Variants in PVT1 observed in about 807,000 individuals in gnomAD.
The protein encoded by PVT1 is Pvt1 oncogene.
intron 3 of PVT1, among the ~76,000 whole-genome samples, chr8:127,901,515 A>C (rs762313590): frequency 2.0e-5 from 3 of 152,242 alleles, no homozygotes; most frequent in Non-Finnish European, 4.4e-5. Context: ...TTCTGGAAGG[A>C]AGTTGAATGT....
intron 4 of PVT1, among the ~76,000 whole-genome samples, chr8:128,016,709 T>C (rs1202370814): frequency 1.3e-5 from 2 of 152,218 alleles, no homozygotes; most frequent in East Asian, 3.8e-4. Context: ...GTCATGCCTG[T>C]ACTGCTCTTT....
At position 127,897,825 on chromosome 8, in the gene PVT1, A is replaced by AAAAG. The variant is rs757197012; in HGVS notation, n.782+6847_782+6850dup. 4.3e-3 allele frequency among the ~76,000 whole-genome samples: 635 copies of AAAAG among 149,030 alleles called. 8 individuals carry two copies. Among genetic ancestry groups the AAAAG allele is most frequent in the South Asian group, 0.015 (68 of 4,638 alleles). On this transcript the variant is annotated intron_variant and non_coding_transcript_variant, in intron 3 of 10. Coordinates refer to ENST00000651587, the Ensembl canonical transcript of PVT1. ...GTGAAGAGAGAAAAGAAAAGAAAAGAAAAGAAAGAAAGAAAGAAAGAAAAG... is the reference window on the plus strand; with the variant it reads ...GTGAAGAGAGAAAAGAAAAGAAAAGAAAAGAAAGAAAGAAAGAAAGAAAGAAAAG...
intron 2 of PVT1, among the ~76,000 whole-genome samples, chr8:127,849,609 GCGTGCA>G (rs1815080417): frequency 6.6e-6 from 1 of 152,094 alleles, no homozygotes; most frequent in African/African-American, 2.4e-5. Context: ...GAGAAAGACT[GCGTGCA>G]TGTGCATGGG....
intron 3 of PVT1, among the ~76,000 whole-genome samples, chr8:127,946,215 T>C (rs994667570): frequency 2.0e-5 from 3 of 152,218 alleles, no homozygotes; most frequent in Non-Finnish European, 1.5e-5. Flanking sequence ...GTTATTATCA[T>C]GCACAAGCCA....
rs546454757 is a variant in PVT1, at chr8:127,889,255, A to C, written n.373-1334A>C. Among the ~76,000 whole-genome samples, 9 of 151,562 alleles carry C rather than the reference A, an allele frequency of 5.9e-5. No homozygotes were observed. The South Asian group carries it at 1.3e-3, about 21-fold the overall frequency. ...AGCGATTCTCATTCCTCGGCCTCCCAAATAGCTGGAATTACAGGCATGCAC... is the reference window on the plus strand; with the variant it reads ...AGCGATTCTCATTCCTCGGCCTCCCCAATAGCTGGAATTACAGGCATGCAC... On this transcript the variant is annotated intron_variant and non_coding_transcript_variant, in intron 2 of 10. Transcript: ENST00000651587.
intron 4 of PVT1, among the ~76,000 whole-genome samples, chr8:128,034,905 T>C (rs1813443026): frequency 6.6e-6 from 1 of 152,234 alleles, no homozygotes; most frequent in Non-Finnish European, 1.5e-5. Flanking sequence ...TTTCCCCATC[T>C]GTAAAATAAA....
chr8:127,879,813 G>A (rs983879450), intron 2 of PVT1, among the ~76,000 whole-genome samples: 2 of 152,194 alleles, frequency 1.3e-5, no homozygotes, highest in African/African-American at 2.4e-5. Context: ...CGGACAATGC[G>A]CCAGCACCCA....
At chr8:127,831,043 C>CAT (rs1563616479) in intron 2 of PVT1, among the ~76,000 whole-genome samples, 15 of 101,184 alleles carry the variant, frequency 1.5e-4, no homozygotes, top group African/African-American at 4.8e-4. Flanking sequence ...TATATACATA[C>CAT]GTGTGTGTGT....
intron 3 of PVT1, among the ~76,000 whole-genome samples, chr8:127,905,166 A>G (rs1314309243): frequency 6.6e-6 from 1 of 152,188 alleles, no homozygotes; most frequent in Non-Finnish European, 1.5e-5. Flanking sequence ...TAAGAATCCA[A>G]CTGGACCAGC....
chr8:128,008,722 T>C (rs77699019), intron 4 of PVT1, among the ~76,000 whole-genome samples: 2,479 of 152,320 alleles, frequency 0.016, 63 homozygotes, highest in African/African-American at 0.056. Context: ...CAAGTGTTTT[T>C]ATCAATCCCT....
intron 4 of PVT1, among the ~76,000 whole-genome samples, chr8:128,004,047 G>A (rs1357046916): frequency 1.3e-5 from 2 of 152,104 alleles, no homozygotes; most frequent in African/African-American, 2.4e-5. Flanking sequence ...TTCTTATAAG[G>A]ACACATATCC....
At chr8:127,992,413 AT>A (rs1265555257) in intron 4 of PVT1, among the ~76,000 whole-genome samples, 1 of 152,038 alleles carries the variant, frequency 6.6e-6, no homozygotes, top group Admixed American at 6.5e-5. Context: ...TTTTTCTTTT[AT>A]TTTTTTAAAG....
At chr8:128,002,076 T>C (rs555766051) in intron 4 of PVT1, among the ~76,000 whole-genome samples, 1 of 152,320 alleles carries the variant, frequency 6.6e-6, no homozygotes, top group South Asian at 2.1e-4. Flanking sequence ...AATCTTTCTG[T>C]CCCTCTGATG....
rs148157372 is a variant in PVT1 at position 128,070,601 on chromosome 8, TA to T, written n.1114+242del. Reference sequence around the variant, plus strand: ...TTCTGCTGCAGACATCACTTTGTCATAACAGCATTTTGAGCAGGAAGAAGCA... The same window carrying T: ...TTCTGCTGCAGACATCACTTTGTCATACAGCATTTTGAGCAGGAAGAAGCA... On this transcript the variant is annotated intron_variant and non_coding_transcript_variant, in intron 5 of 10. Transcript: ENST00000651587. Among the ~76,000 whole-genome samples, 1,143 of 152,280 alleles carry T rather than the reference TA, an allele frequency of 7.5e-3. 19 individuals are homozygous for T. Among genetic ancestry groups the T allele is most frequent in the African/African-American group, 0.026 (1,088 of 41,562 alleles).
At chr8:128,060,710 T>C (rs1813819758) in intron 4 of PVT1, among the ~76,000 whole-genome samples, 1 of 152,248 alleles carries the variant, frequency 6.6e-6, no homozygotes. Flanking sequence ...CTGGTCTGTC[T>C]TCTCTGCCCA....
At chr8:127,853,840 A>G (rs1283391929) in intron 2 of PVT1, among the ~76,000 whole-genome samples, 1 of 152,066 alleles carries the variant, frequency 6.6e-6, no homozygotes, top group African/African-American at 2.4e-5. Context: ...AAGAGAGAAG[A>G]AAGGCGGGGC....
chr8:127,934,624 C>A (rs887439869), intron 3 of PVT1, among the ~76,000 whole-genome samples: 3 of 152,210 alleles, frequency 2.0e-5, no homozygotes, highest in South Asian at 4.1e-4. Flanking sequence ...AGATTCCAAA[C>A]TGACTCCTTC....
intron 4 of PVT1, among the ~76,000 whole-genome samples, chr8:128,021,249 C>G (rs1394069542): frequency 6.8e-6 from 1 of 147,262 alleles, no homozygotes; most frequent in African/African-American, 2.5e-5. Context: ...CTACTGGGGA[C>G]AGGGGCATTG....
chr8:128,024,774 G>A (rs1817474668), intron 4 of PVT1, among the ~76,000 whole-genome samples: 1 of 152,238 alleles, frequency 6.6e-6, no homozygotes, highest in African/African-American at 2.4e-5. Flanking sequence ...TGTCTTCAGG[G>A]AAGCAAGTCA....
Sources: allele counts gnomAD v4.1 joint callset (sites outside exome capture counted in the v4.1 genomes callset), GRCh38; gene constraint gnomAD v4.1.1; transcripts MANE v1.5; gene names NCBI Gene and HGNC (gene_info 2026-07-23, HGNC 2026-07-21).